PABIR3: variants seen among roughly 807,000 people sequenced by gnomAD.
The protein encoded by PABIR3 is PABIR family member 1.
A neutral mutation model predicts 23.1 loss-of-function variants in PABIR3; 20 were observed. The observed-to-expected ratio is 0.86, with a 90% CI of 0.61 to 1.26. The LOEUF (loss-of-function observed/expected upper bound fraction) is 1.26, where lower values mean the gene tolerates loss of function less well. PABIR3 is among the 50% of genes most tolerant of loss of function. The pLI is 0.00. For synonymous variants in PABIR3, 69 were observed against 68.5 expected (o/e 1.01, Z -0.04); for missense variants, 189 against 195.4 (o/e 0.97, Z 0.20).
At chrX:134,819,978 A>G (rs2081186448) in intron 3 of PABIR3, among the ~76,000 whole-genome samples, 1 of 111,704 alleles carries the variant, frequency 9.0e-6, no homozygotes, top group African/African-American at 3.3e-5. Context: ...AATAATAAGA[A>G]GCCCCAAGAA....
intron 4 of PABIR3, among the ~76,000 whole-genome samples, chrX:134,840,993 A>G (rs1348906900): frequency 9.1e-6 from 1 of 110,405 alleles, no homozygotes; most frequent in Non-Finnish European, 1.9e-5. Context: ...AGGGTCTCAT[A>G]TTGTTGCCAG....
In PABIR3 at chrX:134,828,128, C is replaced by G. The variant is rs375466131; in HGVS notation, c.190-1098C>G. Among the ~76,000 whole-genome samples the G allele has an allele frequency of 1.7e-4, 18 of 103,794 alleles. No homozygotes were observed. In the South Asian group the frequency reaches 7.9e-3, roughly 45 times the overall value. The allele number at this position is 103,794 out of a possible 115,157, so 90.1% of individuals were successfully genotyped here. ...GCTTAGGCTGGTCTTGAACTCCTGG[C>G]CTCAAGTGATCCTCTCAAAGTGCCG... On this transcript the variant is annotated intron_variant, in intron 3 of 10. Coordinates refer to ENST00000645433, the MANE Select transcript of PABIR3 (RefSeq NM_001388447.1).
intron 6 of PABIR3, among the ~76,000 whole-genome samples, chrX:134,846,137 G>T (rs1458825346): frequency 1.8e-5 from 2 of 111,743 alleles, no homozygotes; most frequent in Non-Finnish European, 3.8e-5. Flanking sequence ...GCAGGAGATA[G>T]AATGAGTGCC....
chrX:134,821,089 T>TAC (rs2081259969), intron 3 of PABIR3, among the ~76,000 whole-genome samples: 1 of 74,505 alleles, frequency 1.3e-5, no homozygotes, highest in Non-Finnish European at 2.2e-5. Flanking sequence ...TGTGTGTGTG[T>TAC]ATATATATAT....
chrX:134,842,752 G>A (rs2082279236), intron 4 of PABIR3, among the ~76,000 whole-genome samples: 1 of 110,729 alleles, frequency 9.0e-6, no homozygotes, highest in Non-Finnish European at 1.9e-5. Context: ...ACAAAAATTA[G>A]CTGGGTGTGG....
chrX:134,811,896 T>G (rs188241009), intron 2 of PABIR3, among the ~76,000 whole-genome samples: 1 of 112,533 alleles, frequency 8.9e-6, no homozygotes, highest in East Asian at 2.8e-4. Flanking sequence ...TTGCAACAGA[T>G]ACTGTATGGC....
chrX:134,843,803 G>A (rs186261324), intron 4 of PABIR3, among the ~76,000 whole-genome samples: 147 of 109,356 alleles, frequency 1.3e-3, no homozygotes, highest in African/African-American at 2.3e-3. Flanking sequence ...TCCTGACCTC[G>A]TGATCCGCCC....
At chrX:134,826,531 G>A (rs1432451518) in intron 3 of PABIR3, among the ~76,000 whole-genome samples, 2 of 111,061 alleles carry the variant, frequency 1.8e-5, no homozygotes, top group African/African-American at 6.5e-5. Context: ...CAGCTTATTA[G>A]CTGTCTTTTT....
chrX:134,846,691 T>C (rs2082448862), intron 6 of PABIR3, among the ~76,000 whole-genome samples: 2 of 112,067 alleles, frequency 1.8e-5, no homozygotes, highest in South Asian at 3.7e-4. Flanking sequence ...TTGGAGTAGG[T>C]CCAGGAGAAT....
chrX:134,853,652 C>A (rs1280366202), intron 10 of PABIR3, among the ~76,000 whole-genome samples: 1 of 107,610 alleles, frequency 9.3e-6, no homozygotes, highest in Non-Finnish European at 1.9e-5. Flanking sequence ...CGGAGTCTCG[C>A]TCTGTCTCCC....
chrX:134,831,923 C>T (rs1279850061), intron 4 of PABIR3, among the ~76,000 whole-genome samples: 1 of 111,286 alleles, frequency 9.0e-6, no homozygotes, highest in Non-Finnish European at 1.9e-5. Context: ...CTCTGGTAAC[C>T]ATCCTTCTAA....
chrX:134,807,259 A>T lies in PABIR3; in HGVS notation c.-142A>T, dbSNP rs1369294787. On this transcript the variant is annotated 5_prime_UTR_variant, in exon 1 of 11. An upstream start codon of the reference 5' UTR is lost. Transcript: ENST00000645433. ...TTTGTTTTGGCCGGAAAGGCTTACC[A>T]TGAGTTGCCAGGGCTGAGAGAGATG... The T allele has an allele frequency of 1.1e-6, 1 of 898,088 alleles. No individual in the cohort carries two copies. The highest frequency in any genetic ancestry group is 2.1e-5 in the African/African-American group (1 of 48,091). 74.0% of individuals were successfully genotyped at this position (898,088 alleles called of 1,213,427 possible). A position where few individuals can be genotyped will look rare whatever the true frequency, so the allele number is the denominator to read the frequency against.
intron 6 of PABIR3, 103 bp downstream of exon 6, chrX:134,845,504 A>G (rs1406972344): frequency 4.3e-6 from 3 of 693,989 alleles, no homozygotes; most frequent in Non-Finnish European, 4.3e-6. Context: ...TCTAAGCTCT[A>G]TTTTGAAACA....
At chrX:134,830,255 C>T (rs1382194683) in intron 4 of PABIR3, among the ~76,000 whole-genome samples, 1 of 109,630 alleles carries the variant, frequency 9.1e-6, no homozygotes, top group East Asian at 2.8e-4. Context: ...TCCCTTTCAC[C>T]CCTGTGGCAT....
chrX:134,808,288 C>T, intron 2 of PABIR3: 1 of 293,004 alleles, frequency 3.4e-6, no homozygotes, highest in Non-Finnish European at 6.0e-6. Flanking sequence ...CTCCTGGCTT[C>T]AAGCAATTCT....
downstream of PABIR3, among the ~76,000 whole-genome samples, chrX:134,856,011 A>G (rs919077720): frequency 3.6e-5 from 4 of 111,321 alleles, no homozygotes; most frequent in African/African-American, 1.3e-4. Flanking sequence ...TTGACACCTT[A>G]GCCAAAGAGA....
chrX:134,849,197 A>C lies in PABIR3; in HGVS notation c.558A>C (p.Arg186Ser). 4 of 984,314 alleles carry C rather than the reference A, an allele frequency of 4.1e-6. No individual in the cohort carries two copies. Among genetic ancestry groups the C allele is most frequent in the Non-Finnish European group, 5.2e-6 (4 of 770,311 alleles). 81.1% of individuals were successfully genotyped at this position (984,314 alleles called of 1,213,427 possible). ...GTCAAAATCCTACCAACATTATTAG[A>C]CCAAGTATCCTTGGACCATTAAAAA... Reference protein sequence around the residue: ...IRSQNPTNIIRPSILGPLKRK... With the variant: ...IRSQNPTNIISPSILGPLKRK... Residue 186 changes from arginine (R) to serine (S), a missense_variant, in exon 9 of 11, where the codon AGA becomes AGC. Physicochemically the swap from Arg to Ser is moderately radical, Grantham distance 110. Transcript: ENST00000645433.
chrX:134,835,523 C>T (rs893113636), intron 4 of PABIR3: 1 of 112,211 alleles, frequency 8.9e-6, no homozygotes, highest in African/African-American at 3.2e-5. Flanking sequence ...TTCTTCTCAA[C>T]TGTTGTTGTT....
chrX:134,807,503 T>G, intron 1 of PABIR3, 37 bp from the exon 2 acceptor site: 1 of 1,167,618 alleles, frequency 8.6e-7, no homozygotes, highest in Non-Finnish European at 1.1e-6. Context: ...CTTTTTCCCC[T>G]TTGCCTCTCT....
Sources: gnomAD v4.1 joint callset for allele counts (sites outside exome capture counted in the v4.1 genomes callset) on GRCh38, gnomAD v4.1.1 for gene constraint, MANE v1.5 for transcripts, NCBI Gene and HGNC (gene_info 2026-07-23, HGNC 2026-07-21) for gene names.